Variants in SLC35F3 observed in about 807,000 individuals in gnomAD.
SLC35F3 encodes solute carrier family 35 member F3.
In SLC35F3, 25 loss-of-function variants were observed where a neutral mutation model predicts 49.9. That is an observed-to-expected ratio of 0.50 (90% CI 0.37 to 0.70). The LOEUF is 0.70. Among genes scored for constraint, SLC35F3 ranks in the 30% least tolerant of loss-of-function variants. The pLI, the probability that SLC35F3 is intolerant of heterozygous loss-of-function variation, is 0.00. For synonymous variants in SLC35F3, 275 were observed against 265.4 expected (o/e 1.04, Z -0.35); for missense variants, 525 against 639.8 (o/e 0.82, Z 1.94).
chr1:234,163,120 C>T (rs972510920), intron 2 of SLC35F3, among the ~76,000 whole-genome samples: 2 of 152,226 alleles, frequency 1.3e-5, no homozygotes, highest in African/African-American at 4.8e-5. Context: ...GAAGGTTGCT[C>T]AGTGCCTATA....
In SLC35F3 at chr1:234,323,259, A is replaced by G. The variant is rs376194964; in HGVS notation, c.*16A>G. ...CGCCCGCTAACACCACTCCTCTAGA[A>G]CTCGGTGGTAATGACTGGGAGGTCT... On this transcript the variant is annotated 3_prime_UTR_variant, in exon 8 of 8. Transcript: ENST00000366618. This position sits in a 1 kb window ranked among gnomAD's most constrained non-coding sequence, Gnocchi z 4.5. 295 of 1,604,180 alleles carry G rather than the reference A, an allele frequency of 1.8e-4. No homozygotes were observed. The highest frequency in any genetic ancestry group is 2.4e-4 in the Non-Finnish European group (284 of 1,174,772).
At chr1:233,923,558 G>A (rs1449232802) in intron 2 of SLC35F3, among the ~76,000 whole-genome samples, 1 of 152,178 alleles carries the variant, frequency 6.6e-6, no homozygotes, top group East Asian at 1.9e-4. Context: ...CTGAGACAGT[G>A]GGGTTTTCTA....
At chr1:234,222,933 G>A (rs966925734) in intron 2 of SLC35F3, among the ~76,000 whole-genome samples, 3 of 152,174 alleles carry the variant, frequency 2.0e-5, no homozygotes, top group Non-Finnish European at 2.9e-5. Context: ...CACAGAAAAT[G>A]GTGAAATTCC....
intron 2 of SLC35F3, among the ~76,000 whole-genome samples, chr1:233,995,253 G>C (rs1168120093): frequency 6.6e-6 from 1 of 152,220 alleles, no homozygotes; most frequent in Non-Finnish European, 1.5e-5. Context: ...CCAGAGGACA[G>C]AGGCAGATAT....
At chr1:234,124,376 C>CA (rs1266210348) in intron 2 of SLC35F3, among the ~76,000 whole-genome samples, 1 of 152,228 alleles carries the variant, frequency 6.6e-6, no homozygotes, top group African/African-American at 2.4e-5. Flanking sequence ...TATACATTTT[C>CA]AAAGGTGAAT....
In SLC35F3 at chr1:234,198,488, A is replaced by G. The variant is rs186978579; in HGVS notation, c.284-32929A>G. On this transcript the variant is annotated intron_variant, in intron 2 of 7. Transcript: ENST00000366618. ...GAGGAAGTGCCAGGCCATTTTCCAA[A>G]GTGGATTTCCACCAGCAGTGGATGA... 3.7e-4 allele frequency among the ~76,000 whole-genome samples: 56 copies of G among 152,334 alleles called. No homozygotes were observed. The South Asian group carries it at 7.9e-3, about 21-fold the overall frequency.
At chr1:234,056,747 T>C (rs533277850) in intron 2 of SLC35F3, among the ~76,000 whole-genome samples, 41 of 152,336 alleles carry the variant, frequency 2.7e-4, no homozygotes, top group Admixed American at 2.7e-3. Context: ...AAGTCTGAGG[T>C]CATGAAGATT....
chr1:233,944,841 A>G (rs1662487031), intron 2 of SLC35F3, among the ~76,000 whole-genome samples: 1 of 146,956 alleles, frequency 6.8e-6, no homozygotes, highest in Non-Finnish European at 1.5e-5. Context: ...TTAATGATAA[A>G]CGATGCTCTT....
intron 2 of SLC35F3, among the ~76,000 whole-genome samples, chr1:234,198,410 A>G (rs758368069): frequency 6.6e-6 from 1 of 152,194 alleles, no homozygotes; most frequent in Non-Finnish European, 1.5e-5. Flanking sequence ...TCTTATGGGT[A>G]TATACCTAGA....
intron 2 of SLC35F3, among the ~76,000 whole-genome samples, chr1:233,985,254 C>T (rs1445019286): frequency 3.3e-5 from 5 of 152,154 alleles, no homozygotes; most frequent in South Asian, 2.1e-4. Context: ...GAAATAATAG[C>T]GTTTACCAAA....
chr1:234,284,954 G>GC (rs1335594940), intron 3 of SLC35F3: 4 of 164,374 alleles, frequency 2.4e-5, no homozygotes, highest in African/African-American at 7.2e-5. Context: ...AGTGGCTTTT[G>GC]CCGTATCTAC....
At chr1:233,941,962 GTT>G (rs547024039) in intron 2 of SLC35F3, among the ~76,000 whole-genome samples, 52 of 118,940 alleles carry the variant, frequency 4.4e-4, no homozygotes, top group African/African-American at 1.2e-3. Flanking sequence ...TTGTTTTTTT[GTT>G]TTTTTTTTTT....
At chr1:234,110,897 G>A (rs1035501922) in intron 2 of SLC35F3, among the ~76,000 whole-genome samples, 3 of 152,088 alleles carry the variant, frequency 2.0e-5, no homozygotes, top group Non-Finnish European at 2.9e-5. Flanking sequence ...CTGTTAAGGT[G>A]GATCCACATT....
chr1:234,052,936 A>C (rs1248166239), intron 2 of SLC35F3, among the ~76,000 whole-genome samples: 1 of 152,198 alleles, frequency 6.6e-6, no homozygotes, highest in Non-Finnish European at 1.5e-5. Context: ...GTTTCCATGT[A>C]GTTGAGCAGC....
At chr1:234,232,270 T>C (rs1177662409) in intron 3 of SLC35F3, among the ~76,000 whole-genome samples, 1 of 151,960 alleles carries the variant, frequency 6.6e-6, no homozygotes, top group Non-Finnish European at 1.5e-5. Flanking sequence ...CAAAGCAGTG[T>C]CTGGACTTTG....
intron 4 of SLC35F3, among the ~76,000 whole-genome samples, chr1:234,310,962 G>A (rs1657340152): frequency 6.6e-6 from 1 of 152,108 alleles, no homozygotes; most frequent in Non-Finnish European, 1.5e-5. Flanking sequence ...TTCCGGCCAT[G>A]GTGGCCACTT....
chr1:234,301,458 C>G (rs1250768546), intron 3 of SLC35F3, among the ~76,000 whole-genome samples: 1 of 152,158 alleles, frequency 6.6e-6, no homozygotes, highest in African/African-American at 2.4e-5. Flanking sequence ...CATCACTGAT[C>G]ATCAGAGAAA....
At chr1:234,311,554 T>C (rs1180265025) in intron 4 of SLC35F3, among the ~76,000 whole-genome samples, 1 of 152,240 alleles carries the variant, frequency 6.6e-6, no homozygotes, top group East Asian at 1.9e-4. Context: ...TTAAGGCAAT[T>C]ATTCAAACCA....
At chr1:234,190,480 A>G (rs1229436675) in intron 2 of SLC35F3, among the ~76,000 whole-genome samples, 1 of 152,220 alleles carries the variant, frequency 6.6e-6, no homozygotes, top group Non-Finnish European at 1.5e-5. Flanking sequence ...AAAGAGGGAC[A>G]TTATATAATG....
Sources: gnomAD v4.1 joint callset for allele counts (sites outside exome capture counted in the v4.1 genomes callset) on GRCh38, gnomAD v4.1.1 for gene constraint, Gnocchi (gnomAD v3.1) non-coding constraint, MANE v1.5 for transcripts, NCBI Gene and HGNC (gene_info 2026-07-23, HGNC 2026-07-21) for gene names.